The following TRERF1 variants were observed in gnomAD, a reference collection of about 807,000 sequenced individuals.
TRERF1 encodes transcriptional-regulating factor 1.
Under a neutral mutation model 122.9 loss-of-function variants are expected in TRERF1, and 27 were observed. The ratio of observed to expected loss-of-function variants is 0.22; its 90% confidence interval spans 0.16 to 0.30. The LOEUF is 0.30. Among genes scored for constraint, TRERF1 ranks in the 10% least tolerant of loss-of-function variants. The probability of loss-of-function intolerance (pLI) is 1.00; values close to 1 mark genes in which losing one functional copy is unlikely to be tolerated. For missense variants in TRERF1, 1,248 were observed against 1,560.3 expected (o/e 0.80, Z 3.37); for synonymous variants, 636 against 641.7 (o/e 0.99, Z 0.13).
At chr6:42,336,216 A>G (rs527632245) in intron 3 of TRERF1, among the ~76,000 whole-genome samples, 1 of 152,332 alleles carries the variant, frequency 6.6e-6, no homozygotes, top group South Asian at 2.1e-4. Context: ...TGAATGGATG[A>G]ATGAATGGAA....
rs143075158 is a variant in TRERF1 at position 42,355,711 on chromosome 6, G to A, written c.-371+7286C>T. Among the ~76,000 whole-genome samples the A allele has an allele frequency of 3.0e-3, 451 of 152,304 alleles. 2 individuals carry two copies. The highest frequency in any genetic ancestry group is 5.3e-3 in the Non-Finnish European group (362 of 68,028). On this transcript the variant is annotated intron_variant, in intron 3 of 17. Coordinates refer to ENST00000372922, the Ensembl canonical transcript of TRERF1. ...GGTGTATGAGTGTGTGTGTGTCCAC[G>A]TGGACATTACCATGTTAGTATACAT... is the stretch of plus-strand genomic sequence containing the variant.
intron 4 of TRERF1, among the ~76,000 whole-genome samples, chr6:42,295,496 C>A (rs929161021): frequency 1.3e-5 from 2 of 152,126 alleles, no homozygotes; most frequent in African/African-American, 2.4e-5. Flanking sequence ...ATCTGTGGGG[C>A]TTTCTAAACC....
chr6:42,366,011 C>T (rs1772655913), intron 2 of TRERF1, among the ~76,000 whole-genome samples: 1 of 152,142 alleles, frequency 6.6e-6, no homozygotes, highest in Non-Finnish European at 1.5e-5. Flanking sequence ...TACCTCTGCT[C>T]ACCCCATCTG....
intron 11 of TRERF1, 46 bp from the exon 12 acceptor site, chr6:42,256,877 T>C (rs1345292187): frequency 6.2e-7 from 1 of 1,612,994 alleles, no homozygotes; most frequent in Non-Finnish European, 8.5e-7. Flanking sequence ...GAGCTGAGTG[T>C]AATGGAAAAC....
At chr6:42,339,280 C>T (rs1766799251) in intron 3 of TRERF1, among the ~76,000 whole-genome samples, 1 of 152,186 alleles carries the variant, frequency 6.6e-6, no homozygotes, top group Admixed American at 6.5e-5. Context: ...CTTTCCTGTC[C>T]TCCACGTCTC....
intron 5 of TRERF1, 135 bp from the exon 6 acceptor site, chr6:42,265,932 T>A: frequency 1.1e-6 from 1 of 881,110 alleles, no homozygotes; most frequent in Non-Finnish European, 1.8e-6. Flanking sequence ...GCTGACCCCA[T>A]TCATGTCCAC....
intron 4 of TRERF1, among the ~76,000 whole-genome samples, chr6:42,278,644 C>T (rs192112556): frequency 9.8e-5 from 15 of 152,316 alleles, no homozygotes; most frequent in African/African-American, 3.6e-4. Flanking sequence ...TACCATCCCC[C>T]ATCACCTGGT....
chr6:42,248,627 C>T (rs1292832776), intron 13 of TRERF1, among the ~76,000 whole-genome samples: 2 of 152,202 alleles, frequency 1.3e-5, no homozygotes, highest in Admixed American at 1.3e-4. Context: ...GCTGGGATTA[C>T]AGACGTGTGC....
intron 2 of TRERF1, among the ~76,000 whole-genome samples, chr6:42,374,948 T>C (rs914832719): frequency 6.8e-6 from 1 of 147,682 alleles, no homozygotes; most frequent in Non-Finnish European, 1.5e-5. Context: ...GAGATGGAGG[T>C]TGTAGTGAGC....
intron 2 of TRERF1, among the ~76,000 whole-genome samples, chr6:42,429,721 C>T (rs1455144430): frequency 1.3e-5 from 2 of 152,064 alleles, no homozygotes; most frequent in Admixed American, 6.5e-5. Context: ...GGCACTCTTC[C>T]GAGGGCTTCG....
Position 42,262,609 on chromosome 6 carries a change from C to CAGACAGAG in TRERF1, c.1884+710_1884+711insCTCTGTCT, listed in dbSNP as rs878980808. On this transcript the variant is annotated intron_variant, in intron 8 of 17. Transcript: ENST00000372922. ...AGAGAGAGAGAGAGAGACAGACAGA[C>CAGACAGAG]GGAAACCCTTCCCAGAGGCAAATTA... Among the ~76,000 whole-genome samples the CAGACAGAG allele has an allele frequency of 4.5e-3, 86 of 19,032 alleles. 20 individuals carry two copies. The highest frequency in any genetic ancestry group is 0.011 in the African/African-American group (46 of 4,366). The allele number at this position is 19,032 out of a possible 152,430, so 12.5% of individuals were successfully genotyped here.
intron 4 of TRERF1, among the ~76,000 whole-genome samples, chr6:42,274,165 G>C (rs1466484763): frequency 5.3e-5 from 8 of 152,176 alleles, no homozygotes; most frequent in African/African-American, 1.9e-4. Context: ...GCCCCATCCA[G>C]ACCCACTAAA....
intron 2 of TRERF1, among the ~76,000 whole-genome samples, chr6:42,382,302 C>T (rs1776078330): frequency 2.6e-5 from 4 of 151,742 alleles, no homozygotes; most frequent in African/African-American, 9.7e-5. Context: ...CCTGATGCAT[C>T]AATGACCCTT....
chr6:42,271,996 G>C (rs976559541), intron 4 of TRERF1, among the ~76,000 whole-genome samples: 1 of 152,136 alleles, frequency 6.6e-6, no homozygotes, highest in Non-Finnish European at 1.5e-5. Context: ...AATGGATGAC[G>C]GGAGGTATTA....
exon 12 of TRERF1, chr6:42,256,809 G>A (rs1215991935): frequency 3.1e-5 from 50 of 1,614,112 alleles, no homozygotes; most frequent in Non-Finnish European, 4.2e-5. Context: ...CACTGGAACA[G>A]CACAAATTCA....
intron 3 of TRERF1, among the ~76,000 whole-genome samples, 178 bp from the exon 4 acceptor site, chr6:42,300,927 G>A (rs187209520): frequency 6.6e-6 from 1 of 152,298 alleles, no homozygotes; most frequent in Admixed American, 6.5e-5. Flanking sequence ...CCAAAGGCCT[G>A]CAATGTGCCA....
chr6:42,319,272 C>G (rs755848250), intron 3 of TRERF1, among the ~76,000 whole-genome samples: 4 of 152,202 alleles, frequency 2.6e-5, no homozygotes, highest in Admixed American at 6.5e-5. Flanking sequence ...TTTCAGCCTC[C>G]AAGATCTTTG....
At position 42,229,324 on chromosome 6, in the gene TRERF1, G is replaced by A. The variant is rs141616506; in HGVS notation, c.3279-655C>T. On this transcript the variant is annotated intron_variant, in intron 17 of 17. Coordinates refer to ENST00000372922, the Ensembl canonical transcript of TRERF1. ...GGCTAATTTTTAAATATTTTGTAGA[G>A]ATGGAGTCTTGCTATGTTGCCCATG... Among the ~76,000 whole-genome samples, 1,093 of 152,238 alleles carry A rather than the reference G, an allele frequency of 7.2e-3. 8 individuals carry two copies. The highest frequency in any genetic ancestry group is 0.012 in the Non-Finnish European group (791 of 68,010).
Position 42,249,856 on chromosome 6 carries a change from C to T in TRERF1, c.2657-3312G>A, listed in dbSNP as rs545371065. ...ACAAATTGAGGGACAGAGCCTTGGC[C>T]GGGCAACAAATCCATTCTCACACTA... On this transcript the variant is annotated intron_variant, in intron 13 of 17. Coordinates refer to ENST00000372922, the Ensembl canonical transcript of TRERF1. Among the ~76,000 whole-genome samples, 7 of 152,218 alleles carry T rather than the reference C, an allele frequency of 4.6e-5. No homozygotes were observed. In the South Asian group the frequency reaches 6.2e-4, roughly 14 times the overall value.
Sources: gnomAD v4.1 joint callset for allele counts (sites outside exome capture counted in the v4.1 genomes callset) on GRCh38, gnomAD v4.1.1 for gene constraint, MANE v1.5 for transcripts, NCBI Gene and HGNC (gene_info 2026-07-23, HGNC 2026-07-21) for gene names.